Variants in SPOCK1 observed in about 807,000 individuals in gnomAD.
SPOCK1 encodes SPARC (osteonectin), cwcv and kazal like domains proteoglycan 1.
In SPOCK1, 23 loss-of-function variants were observed where a neutral mutation model predicts 55.3. The ratio of observed to expected loss-of-function variants is 0.42; its 90% CI spans 0.30 to 0.59. SPOCK1 has a LOEUF of 0.59. Among genes scored for constraint, SPOCK1 ranks in the 20% least tolerant of loss-of-function variants. The pLI, the probability that SPOCK1 is intolerant of heterozygous loss-of-function variation, is 0.22. For synonymous variants in SPOCK1, 226 were observed against 221.0 expected, an observed-to-expected ratio of 1.02 and a Z score of -0.20; for missense variants, 499 against 552.5, an observed-to-expected ratio of 0.90 and a Z score of 0.97.
chr5:137,126,764 A>C (rs1247928641), intron 4 of SPOCK1, among the ~76,000 whole-genome samples: 1 of 146,788 alleles, frequency 6.8e-6, no homozygotes, highest in African/African-American at 2.6e-5. Flanking sequence ...AAAAATAAAG[A>C]AACTAGAGGA....
chr5:137,164,887 A>T (rs1268048183), intron 3 of SPOCK1, among the ~76,000 whole-genome samples: 1 of 152,146 alleles, frequency 6.6e-6, no homozygotes, highest in East Asian at 1.9e-4. Context: ...CTGACTGCCA[A>T]CTCAGATGCA....
chr5:137,287,848 C>T (rs940047942), intron 2 of SPOCK1, among the ~76,000 whole-genome samples: 1 of 152,126 alleles, frequency 6.6e-6, no homozygotes, highest in South Asian at 2.1e-4. Flanking sequence ...GTGCTTTAGG[C>T]GGTACCTACA....
intron 6 of SPOCK1, among the ~76,000 whole-genome samples, chr5:137,012,186 G>C (rs1421976456): frequency 6.6e-6 from 1 of 152,100 alleles, no homozygotes; most frequent in Non-Finnish European, 1.5e-5. Context: ...TTTCCAGACT[G>C]TGAACCTGAA....
intron 2 of SPOCK1, among the ~76,000 whole-genome samples, chr5:137,375,563 T>A (rs1462023073): frequency 6.6e-6 from 1 of 152,168 alleles, no homozygotes; most frequent in Non-Finnish European, 1.5e-5. Context: ...ATCTGTGCAC[T>A]TTTTCTGTAC....
chr5:137,131,971 C>CAAAAAAAAAAAAAAAA (rs1156253291), intron 4 of SPOCK1, among the ~76,000 whole-genome samples: 1 of 12,728 alleles, frequency 7.9e-5, no homozygotes, highest in Non-Finnish European at 1.2e-4. Context: ...GACTCCGTCT[C>CAAAAAAAAAAAAAAAA]AAAAAAAAAA....
intron 6 of SPOCK1, among the ~76,000 whole-genome samples, chr5:136,997,466 C>G (rs1238427648): frequency 6.6e-6 from 1 of 152,064 alleles, no homozygotes; most frequent in Non-Finnish European, 1.5e-5. Context: ...GACATTTGAT[C>G]AAGTCACTCT....
intron 9 of SPOCK1, among the ~76,000 whole-genome samples, chr5:136,980,343 C>A (rs1750705293): frequency 6.6e-6 from 1 of 152,078 alleles, no homozygotes; most frequent in South Asian, 2.1e-4. Context: ...GCTTTATATA[C>A]TTTTAACAAG....
intron 2 of SPOCK1, among the ~76,000 whole-genome samples, chr5:137,395,761 C>A (rs1244369949): frequency 1.3e-5 from 2 of 152,158 alleles, no homozygotes; most frequent in Non-Finnish European, 2.9e-5. Context: ...GAGCTGTATT[C>A]TTGAGAGGTG....
chr5:137,272,604 C>T (rs953305522), intron 2 of SPOCK1, among the ~76,000 whole-genome samples: 6 of 152,162 alleles, frequency 3.9e-5, no homozygotes, highest in African/African-American at 1.4e-4. Context: ...AATGAAGTGA[C>T]CCAGCTTGGG....
intron 6 of SPOCK1, among the ~76,000 whole-genome samples, chr5:137,016,063 AAGG>A (rs1219088325): frequency 2.6e-5 from 4 of 152,170 alleles, no homozygotes; most frequent in Non-Finnish European, 5.9e-5. Context: ...ACTGCAGAAG[AAGG>A]AGAAGGCCTA....
At position 137,303,429 on chromosome 5, in the gene SPOCK1, AGAGC is replaced by A. The variant is rs1757642126; in HGVS notation, c.187-36378_187-36375del. Among the ~76,000 whole-genome samples, 3 of 152,140 alleles carry A rather than the reference AGAGC, an allele frequency of 2.0e-5. No individual in the cohort carries two copies. In the South Asian group the frequency reaches 6.2e-4, roughly 32 times the overall value. The stretch of plus-strand genomic sequence containing the variant: ...TGATAAGTCTCTGTAGCCTTAACTC[AGAGC>A]TCAGTGAAGATAAGTAATCTTCACA... On this transcript the variant is annotated intron_variant, in intron 2 of 10. Transcript: ENST00000394945.
intron 3 of SPOCK1, among the ~76,000 whole-genome samples, chr5:137,215,070 T>A (rs2127084164): frequency 6.6e-6 from 1 of 152,304 alleles, no homozygotes; most frequent in South Asian, 2.1e-4. Flanking sequence ...AAATATTGGC[T>A]AGTGTGGGTG....
intron 9 of SPOCK1, among the ~76,000 whole-genome samples, chr5:136,983,085 CTGGGTGGT>C (rs1480645002): frequency 6.6e-6 from 1 of 152,152 alleles, no homozygotes; most frequent in Admixed American, 6.5e-5. Context: ...TTTGTGTAAC[CTGGGTGGT>C]AACACCATCT....
chr5:137,341,687 G>A (rs1402904132), intron 2 of SPOCK1, among the ~76,000 whole-genome samples: 2 of 152,152 alleles, frequency 1.3e-5, no homozygotes, highest in African/African-American at 4.8e-5. Context: ...CCCCTGAATA[G>A]GACAGATACA....
intron 3 of SPOCK1, among the ~76,000 whole-genome samples, chr5:137,143,550 G>A (rs1245179691): frequency 6.6e-6 from 1 of 152,124 alleles, no homozygotes; most frequent in South Asian, 2.1e-4. Flanking sequence ...TAAAAATGGG[G>A]ATAATAACAG....
intron 3 of SPOCK1, among the ~76,000 whole-genome samples, chr5:137,220,780 G>A (rs1247166905): frequency 6.6e-6 from 1 of 152,242 alleles, no homozygotes; most frequent in Non-Finnish European, 1.5e-5. Context: ...AGGTAGGTGA[G>A]TGAGTGAATA....
chr5:137,465,881 T>C (rs1351888587), intron 2 of SPOCK1, among the ~76,000 whole-genome samples: 1 of 152,170 alleles, frequency 6.6e-6, no homozygotes, highest in African/African-American at 2.4e-5. Context: ...TCACAATGCA[T>C]ACAAAATTAC....
intron 2 of SPOCK1, among the ~76,000 whole-genome samples, chr5:137,301,081 C>T (rs2127136579): frequency 6.6e-6 from 1 of 152,294 alleles, no homozygotes; most frequent in East Asian, 1.9e-4. Context: ...ATCTTCTAGT[C>T]TCTTAACTGA....
chr5:136,979,654 G>T (rs115958281), intron 9 of SPOCK1, among the ~76,000 whole-genome samples, 185 bp from the exon 10 acceptor site: 2 of 152,120 alleles, frequency 1.3e-5, no homozygotes, highest in Non-Finnish European at 2.9e-5. Flanking sequence ...GCCCAAACGC[G>T]ATGAGCTCTA....
Sources: allele counts gnomAD v4.1 joint callset (sites outside exome capture counted in the v4.1 genomes callset), GRCh38; gene constraint gnomAD v4.1.1; transcripts MANE v1.5; gene names NCBI Gene and HGNC (gene_info 2026-07-23, HGNC 2026-07-21).